PCDHA4: variants seen among roughly 807,000 people sequenced by gnomAD.
PCDHA4 encodes protocadherin alpha 4.
In PCDHA4, 49 loss-of-function variants were observed where a neutral mutation model predicts 61.4. That is an observed-to-expected ratio of 0.80 (90% CI 0.63 to 1.01). The LOEUF (loss-of-function observed/expected upper bound fraction) is 1.01, where lower values mean the gene tolerates loss of function less well. PCDHA4 is among the 50% of genes least tolerant of loss of function. The probability of loss-of-function intolerance (pLI) is 0.00; values close to 1 mark genes in which losing one functional copy is unlikely to be tolerated. For synonymous variants in PCDHA4, 590 were observed against 550.3 expected (o/e 1.07, Z -1.01); for missense variants, 1,254 against 1,235.8 (o/e 1.01, Z -0.22).
intron 1 of PCDHA4, chr5:140,876,782 C>T (rs372500794): frequency 2.5e-6 from 4 of 1,614,096 alleles, no homozygotes; most frequent in African/African-American, 2.7e-5. Flanking sequence ...TCGCTGTGGG[C>T]CACGGCTAGA....
chr5:140,840,441 T>C (rs1163219857), intron 1 of PCDHA4, among the ~76,000 whole-genome samples: 1 of 151,848 alleles, frequency 6.6e-6, no homozygotes, highest in Non-Finnish European at 1.5e-5. Context: ...GCCGTGGAAA[T>C]AGAAACGTTA....
In PCDHA4 at chr5:140,829,345, G is replaced by A. The variant is rs2150166310; in HGVS notation, c.2385+19773G>A. The A allele has an allele frequency of 4.3e-6, 7 of 1,614,136 alleles. No homozygotes were observed. In the African/African-American group the frequency reaches 8.0e-5, roughly 18 times the overall value. ...ACAGTGCCCTGGACCGCGAGAGCGT[G>A]TCGGCCTATGAGTTGGTGGTAACCG... is the stretch of plus-strand genomic sequence containing the variant. On this transcript the variant is annotated intron_variant, in intron 1 of 3. Transcript: ENST00000530339.
rs2150165075 is a variant in PCDHA4 at position 140,829,273 on chromosome 5, T to C, written c.2385+19701T>C. ...ACTGCTCGCTGACGCCTCACGTCCC[T>C]TTCAAGCTGGTGTCCACCTTCAAGA... On this transcript the variant is annotated intron_variant, in intron 1 of 3. Coordinates refer to ENST00000530339, the MANE Select transcript of PCDHA4 (RefSeq NM_018907.4). 11 of 1,614,216 alleles carry C rather than the reference T, an allele frequency of 6.8e-6. No homozygotes were observed. The South Asian group carries it at 9.9e-5, about 15-fold the overall frequency.
chr5:140,824,056 G>A, intron 1 of PCDHA4: 2 of 1,614,176 alleles, frequency 1.2e-6, no homozygotes, highest in Non-Finnish European at 1.7e-6. Flanking sequence ...GTGCTCTGGG[G>A]AAGCTCCACC....
intron 1 of PCDHA4, 80 bp downstream of exon 1, chr5:140,809,652 C>T: frequency 6.7e-7 from 1 of 1,493,130 alleles, no homozygotes; most frequent in Non-Finnish European, 9.0e-7. Flanking sequence ...TTCTAAGAGT[C>T]AAATTTCCCT....
In PCDHA4 at chr5:140,835,636, TG is replaced by T. The variant is rs2150240289; in HGVS notation, c.2385+26065del. ...GACAGCGCTCTGGACCGCGAGAGTG[TG>T]TCCGCCTATGAGCTGGTGGTTACCG... On this transcript the variant is annotated intron_variant, in intron 1 of 3. Transcript: ENST00000530339. 6 of 1,613,906 alleles carry T rather than the reference TG, an allele frequency of 3.7e-6. No individual in the cohort carries two copies. The East Asian group carries it at 8.9e-5, about 24-fold the overall frequency.
chr5:140,841,975 C>T (rs1777621234), intron 1 of PCDHA4: 7 of 1,613,726 alleles, frequency 4.3e-6, no homozygotes, highest in Non-Finnish European at 5.9e-6. Context: ...CAGATGGGGG[C>T]AAACCTGAGC....
intron 1 of PCDHA4, chr5:140,876,448 G>C (rs2056350590): frequency 1.2e-6 from 2 of 1,614,008 alleles, no homozygotes; most frequent in East Asian, 4.5e-5. Flanking sequence ...CATTGATAAA[G>C]GGATTCCTTC....
chr5:141,010,129 G>A lies in PCDHA4; in HGVS notation c.*192G>A, dbSNP rs781919488. The A allele has an allele frequency of 3.7e-6, 6 of 1,601,792 alleles. No individual in the cohort carries two copies. The highest frequency in any genetic ancestry group is 5.1e-6 in the Non-Finnish European group (6 of 1,173,386). On this transcript the variant is annotated 3_prime_UTR_variant, in exon 4 of 4. Coordinates refer to ENST00000530339, the MANE Select transcript of PCDHA4 (RefSeq NM_018907.4). Reference sequence around the variant, plus strand: ...TGTCGTAAAAGCTTTACTAAGTCTGGTGTTAACTCTTTCTCTCCACTCTGG... The same window carrying A: ...TGTCGTAAAAGCTTTACTAAGTCTGATGTTAACTCTTTCTCTCCACTCTGG...
intron 1 of PCDHA4, chr5:140,855,963 AT>A: frequency 7.1e-7 from 1 of 1,404,396 alleles, no homozygotes; most frequent in Non-Finnish European, 9.7e-7. Context: ...TAAAAAATAG[AT>A]ATAAGAAATA....
intron 1 of PCDHA4, among the ~76,000 whole-genome samples, chr5:140,937,332 C>T (rs1003482242): frequency 6.3e-4 from 96 of 152,212 alleles, no homozygotes; most frequent in African/African-American, 2.0e-3. Context: ...CCACCGCGCC[C>T]GGCTTCTTCC....
At chr5:140,836,762 C>G (rs2150269461) in intron 1 of PCDHA4, 3 of 1,567,538 alleles carry the variant, frequency 1.9e-6, no homozygotes, top group Non-Finnish European at 2.6e-6. Context: ...AATCTTGTTT[C>G]CAACAATTTT....
chr5:140,908,587 T>G (rs186345728), intron 1 of PCDHA4, among the ~76,000 whole-genome samples: 3 of 152,298 alleles, frequency 2.0e-5, no homozygotes, highest in East Asian at 3.9e-4. Context: ...AGTAGTTAGC[T>G]GCAGAAGATG....
Position 140,809,471 on chromosome 5 carries a change from G to A in PCDHA4, c.2284G>A (p.Glu762Lys), listed in dbSNP as rs1250038191. ...QQRRPRVCSG[E>K]GPPKTDLMAF... ...GAGGAGGCCGAGGGTGTGCTCTGGT[G>A]AGGGCCCACCCAAGACCGACCTCAT... The change falls in exon 1 of 4, where the codon GAG becomes AAG. Residue 762 changes from glutamate (E) to lysine (K), a missense_variant. Coordinates refer to ENST00000530339, the MANE Select transcript of PCDHA4 (RefSeq NM_018907.4). 30 of 1,614,116 alleles carry A rather than the reference G, an allele frequency of 1.9e-5. No homozygotes were observed. The highest frequency in any genetic ancestry group is 2.5e-5 in the Non-Finnish European group (30 of 1,180,042).
intron 2 of PCDHA4, among the ~76,000 whole-genome samples, chr5:140,979,895 T>G (rs1460432451): frequency 6.6e-6 from 1 of 152,222 alleles, no homozygotes; most frequent in Non-Finnish European, 1.5e-5. Context: ...TTCACCAAAC[T>G]TAGATCAGTT....
At chr5:140,931,875 T>C (rs1457456146) in intron 1 of PCDHA4, among the ~76,000 whole-genome samples, 3 of 151,982 alleles carry the variant, frequency 2.0e-5, no homozygotes, top group African/African-American at 7.2e-5. Flanking sequence ...AAAATATTTA[T>C]TGCTTTCATT....
At chr5:140,891,431 A>G (rs912407002) in intron 1 of PCDHA4, among the ~76,000 whole-genome samples, 1 of 143,446 alleles carries the variant, frequency 7.0e-6, no homozygotes, top group Non-Finnish European at 1.5e-5. Context: ...CAAGTCCCCA[A>G]CGTCCATTGT....
intron 1 of PCDHA4, chr5:140,823,873 A>G: frequency 6.2e-7 from 1 of 1,613,808 alleles, no homozygotes; most frequent in Non-Finnish European, 8.5e-7. Flanking sequence ...CGTGTACCTG[A>G]TCATCGCCAT....
chr5:140,830,473 T>C (rs2150186969), intron 1 of PCDHA4: 15 of 1,553,368 alleles, frequency 9.7e-6, no homozygotes, highest in Non-Finnish European at 1.3e-5. Context: ...TAAATGAAGA[T>C]CATGATGCCA....
Sources: allele counts gnomAD v4.1 joint callset (sites outside exome capture counted in the v4.1 genomes callset), GRCh38; gene constraint gnomAD v4.1.1; transcripts MANE v1.5; gene names NCBI Gene and HGNC (gene_info 2026-07-23, HGNC 2026-07-21).